The following ASIC2 variants were observed in gnomAD, a reference collection of about 807,000 sequenced individuals.
ASIC2 encodes acid-sensing ion channel 2.
Under a neutral mutation model 57.3 loss-of-function variants are expected in ASIC2, and 25 were observed. The ratio of observed to expected loss-of-function variants is 0.44; its 90% CI spans 0.32 to 0.61. The LOEUF is 0.61. Ranked by LOEUF, ASIC2 falls within the 20% of genes least tolerant of loss-of-function variation. The pLI, the probability that ASIC2 is intolerant of heterozygous loss-of-function variation, is 0.06. For missense variants in ASIC2, 641 were observed against 738.1 expected (o/e 0.87, Z 1.52); for synonymous variants, 319 against 307.5 (o/e 1.04, Z -0.39).
chr17:33,191,558 A>G (rs984340975), intron 1 of ASIC2, among the ~76,000 whole-genome samples: 2 of 151,986 alleles, frequency 1.3e-5, no homozygotes, highest in African/African-American at 4.8e-5. Context: ...GAGGAGGAGG[A>G]GAAAGAGAGG....
At chr17:33,348,174 AC>A (rs1159896230) in intron 1 of ASIC2, among the ~76,000 whole-genome samples, 1 of 152,186 alleles carries the variant, frequency 6.6e-6, no homozygotes, top group Non-Finnish European at 1.5e-5. Flanking sequence ...GCATGGATGG[AC>A]CTTCTACGTG....
intron 1 of ASIC2, among the ~76,000 whole-genome samples, chr17:33,489,372 A>G (rs1052213463): frequency 2.6e-5 from 4 of 152,218 alleles, no homozygotes; most frequent in African/African-American, 4.8e-5. Context: ...GGGTATGTCC[A>G]TAGATGCCGA....
chr17:33,828,114 C>T (rs781140114), intron 1 of ASIC2: 11 of 152,070 alleles, frequency 7.2e-5, no homozygotes, highest in African/African-American at 2.2e-4. Flanking sequence ...TTTCTTTATC[C>T]GGTCTATCAT....
intron 7 of ASIC2, among the ~76,000 whole-genome samples, chr17:33,019,425 G>GA (rs970214164): frequency 1.3e-5 from 2 of 151,958 alleles, no homozygotes; most frequent in African/African-American, 4.8e-5. Context: ...TGTGTGATTG[G>GA]AACGTGGGGC....
At chr17:33,812,043 C>T (rs7214667) in intron 1 of ASIC2, among the ~76,000 whole-genome samples, 20,023 of 152,152 alleles carry the variant, frequency 0.13, 1,405 homozygotes, top group East Asian at 0.19. Context: ...ACCGTGGGCA[C>T]ACTTTCATTA....
intron 1 of ASIC2, among the ~76,000 whole-genome samples, chr17:33,551,211 T>C (rs1236415869): frequency 1.3e-5 from 2 of 152,220 alleles, no homozygotes; most frequent in African/African-American, 4.8e-5. Flanking sequence ...TATGCTGATC[T>C]AGCATTATGA....
chr17:33,841,225 C>T (rs192580251), intron 1 of ASIC2, among the ~76,000 whole-genome samples: 48 of 152,316 alleles, frequency 3.2e-4, no homozygotes, highest in African/African-American at 1.1e-3. Flanking sequence ...GACAATGTGA[C>T]ACAAAATTCT....
chr17:33,302,337 A>T (rs1312199014), intron 1 of ASIC2, among the ~76,000 whole-genome samples: 2 of 152,222 alleles, frequency 1.3e-5, no homozygotes, highest in Non-Finnish European at 2.9e-5. Context: ...GGATTTAATG[A>T]AATATAAAAC....
In ASIC2 at chr17:33,734,699, T is replaced by C. The variant is rs531052614; in HGVS notation, c.555+421279A>G. On this transcript the variant is annotated intron_variant, in intron 1 of 9. Transcript: ENST00000359872. ...CCCCAATCCAATAAGACTGGTGCCC[T>C]TATAAGAAGAGGAAGAGACACCAGA... Among the ~76,000 whole-genome samples, 31 of 152,270 alleles carry C rather than the reference T, an allele frequency of 2.0e-4. No homozygotes were observed. The South Asian group carries it at 6.4e-3, about 32-fold the overall frequency.
chr17:33,309,314 G>C (rs1471229816), intron 1 of ASIC2, among the ~76,000 whole-genome samples: 2 of 152,148 alleles, frequency 1.3e-5, no homozygotes, highest in South Asian at 4.1e-4. Context: ...GAAGAAAAAG[G>C]AGGATTCTTT....
At chr17:33,186,769 G>A (rs1004188418) in intron 1 of ASIC2, among the ~76,000 whole-genome samples, 6 of 152,140 alleles carry the variant, frequency 3.9e-5, no homozygotes, top group Non-Finnish European at 7.4e-5. Context: ...ACTCAATGTC[G>A]ACCATTCTAT....
chr17:33,729,163 C>T (rs893517991), intron 1 of ASIC2, among the ~76,000 whole-genome samples: 37 of 152,142 alleles, frequency 2.4e-4, no homozygotes, highest in Admixed American at 1.6e-3. Flanking sequence ...GTGGTGCCAG[C>T]GTCTGCTTCT....
intron 1 of ASIC2, among the ~76,000 whole-genome samples, chr17:33,950,385 G>T (rs112462688): frequency 3.3e-5 from 5 of 152,248 alleles, no homozygotes; most frequent in South Asian, 2.1e-4. Flanking sequence ...ATCAGATTCC[G>T]TAATAAATGC....
chr17:33,284,962 T>C (rs368210369), intron 1 of ASIC2, among the ~76,000 whole-genome samples: 1 of 152,226 alleles, frequency 6.6e-6, no homozygotes, highest in Non-Finnish European at 1.5e-5. Context: ...ATCAGACTTA[T>C]GGTCATCTTG....
At chr17:33,904,073 G>A (rs1176498963) in intron 1 of ASIC2, among the ~76,000 whole-genome samples, 2 of 133,486 alleles carry the variant, frequency 1.5e-5, no homozygotes, top group Non-Finnish European at 3.1e-5. Flanking sequence ...TGAGGCAGGA[G>A]AATTGCTTGA....
chr17:33,030,556 T>C (rs765580608), intron 3 of ASIC2, among the ~76,000 whole-genome samples: 6 of 152,180 alleles, frequency 3.9e-5, no homozygotes, highest in Non-Finnish European at 7.4e-5. Flanking sequence ...TCCAGTATCA[T>C]GTTGGAATAA....
chr17:33,989,700 A>G (rs317364), intron 1 of ASIC2, among the ~76,000 whole-genome samples: 141,009 of 152,244 alleles, frequency 0.93, 65,536 homozygotes, highest in Non-Finnish European at 0.97. Flanking sequence ...CTCAAATGAC[A>G]CTGTTGTTTT....
chr17:33,782,600 A>G (rs796175266), intron 1 of ASIC2, among the ~76,000 whole-genome samples: 13 of 152,142 alleles, frequency 8.5e-5, no homozygotes, highest in African/African-American at 3.1e-4. Context: ...TTGGCGGCAT[A>G]TGCCTGTGGT....
chr17:33,774,342 T>C (rs1911202117), intron 1 of ASIC2, among the ~76,000 whole-genome samples: 1 of 152,164 alleles, frequency 6.6e-6, no homozygotes. Flanking sequence ...CTTGGAGCTA[T>C]GGGTTGAATG....
Sources: gnomAD v4.1 joint callset for allele counts (sites outside exome capture counted in the v4.1 genomes callset) on GRCh38, gnomAD v4.1.1 for gene constraint, MANE v1.5 for transcripts, NCBI Gene and HGNC (gene_info 2026-07-23, HGNC 2026-07-21) for gene names.